The following HNF4G variants were observed in gnomAD, a reference collection of about 807,000 sequenced individuals.
The protein encoded by HNF4G is hepatocyte nuclear factor 4-gamma.
In HNF4G, 21 loss-of-function variants were observed where a neutral mutation model predicts 50.9. The ratio of observed to expected loss-of-function variants is 0.41; its 90% CI spans 0.29 to 0.59. HNF4G has a LOEUF of 0.59. Among genes scored for constraint, HNF4G ranks in the 20% least tolerant of loss-of-function variants. HNF4G has a pLI of 0.26. For synonymous variants in HNF4G, 198 were observed against 185.6 expected (o/e 1.07, Z -0.54); for missense variants, 527 against 559.4 (o/e 0.94, Z 0.58).
chr8:75,487,397 T>A (rs532395567), intron 1 of HNF4G, among the ~76,000 whole-genome samples: 1 of 152,314 alleles, frequency 6.6e-6, no homozygotes, highest in African/African-American at 2.4e-5. Flanking sequence ...ACTGATCTGC[T>A]CAACAAATCT....
At chr8:75,513,087 G>T (rs1021324183) in intron 2 of HNF4G, among the ~76,000 whole-genome samples, 2 of 152,130 alleles carry the variant, frequency 1.3e-5, no homozygotes, top group Non-Finnish European at 2.9e-5. Flanking sequence ...CCACAGGCTG[G>T]AATGCAATGG....
At chr8:75,482,391 A>T (rs1052123572) in intron 1 of HNF4G, among the ~76,000 whole-genome samples, 2 of 151,852 alleles carry the variant, frequency 1.3e-5, no homozygotes, top group Admixed American at 1.3e-4. Context: ...TTTTAGAAGG[A>T]GTCTCTCTCT....
At chr8:75,407,912 C>G (rs1310305422), upstream of HNF4G, 2 of 152,058 alleles carry the variant, frequency 1.3e-5, no homozygotes. Flanking sequence ...GGAGATGCGG[C>G]GGCGGCCGCG....
intron 1 of HNF4G, among the ~76,000 whole-genome samples, chr8:75,489,831 ATAT>A (rs1449077857): frequency 1.1e-4 from 16 of 152,302 alleles, no homozygotes; most frequent in Non-Finnish European, 2.1e-4. Flanking sequence ...TGGTAGCCAG[ATAT>A]TATGTCTATC....
In HNF4G at chr8:75,558,820, TC is replaced by T; in HGVS notation, c.908del (p.Pro303GlnfsTer2). On this transcript the variant is annotated frameshift_variant, in exon 8 of 10. Transcript: ENST00000396423. LOFTEE classifies it high-confidence loss of function. ...FDPDAKGLSDPVKIKNMRFQV... is the reference protein window; with the variant it reads ...FDPDAKGLSDXVKIKNMRFQV... ...TGTTAGATGCAAAAGGGCTAAGCGA[TC>T]CAGTAAAAATTAAGAACATGAGGTT... The T allele has an allele frequency of 6.2e-7, 1 of 1,613,970 alleles. No homozygotes were observed. Among genetic ancestry groups the T allele is most frequent in the Non-Finnish European group, 8.5e-7 (1 of 1,179,912 alleles).
intron 2 of HNF4G, among the ~76,000 whole-genome samples, chr8:75,527,512 G>A (rs950535515): frequency 4.6e-5 from 7 of 152,086 alleles, no homozygotes; most frequent in South Asian, 2.1e-4. Flanking sequence ...AATGAGAATC[G>A]GTATACAAAC....
At chr8:75,435,009 C>T (rs1392961257) in intron 1 of HNF4G, among the ~76,000 whole-genome samples, 1 of 152,080 alleles carries the variant, frequency 6.6e-6, no homozygotes, top group Non-Finnish European at 1.5e-5. Context: ...TAATTTCAGT[C>T]TTACTTTAAC....
rs1037484356 is a variant in HNF4G, at chr8:75,551,560, T to C, written c.489+66T>C. ...TCAAATGTCCATGTAGGCATCATGC[T>C]AAAATAATCTAAGTTTTTTCAAAGG... On this transcript the variant is annotated intron_variant, in intron 4 of 9. Coordinates refer to ENST00000396423, the MANE Select transcript of HNF4G (RefSeq NM_004133.5). 2.6e-5 allele frequency: 23 copies of C among 899,638 alleles called. No homozygotes were observed. The African/African-American group carries it at 3.1e-4, about 12-fold the overall frequency. 55.7% of individuals were successfully genotyped at this position (899,638 alleles called of 1,614,324 possible).
intron 6 of HNF4G, 111 bp from the exon 7 acceptor site, chr8:75,558,407 T>C (rs1807193548): frequency 2.1e-6 from 2 of 953,550 alleles, no homozygotes; most frequent in East Asian, 2.6e-5. Context: ...TCACTATTCC[T>C]TCAAGGGTAG....
At chr8:75,438,468 C>T (rs182008738) in intron 1 of HNF4G, among the ~76,000 whole-genome samples, 68 of 152,238 alleles carry the variant, frequency 4.5e-4, no homozygotes, top group African/African-American at 1.6e-3. Flanking sequence ...TCCAGACTGA[C>T]GGAATACAGA....
intron 1 of HNF4G, among the ~76,000 whole-genome samples, chr8:75,480,732 T>TTC (rs1215663333): frequency 6.6e-6 from 1 of 150,478 alleles, no homozygotes; most frequent in African/African-American, 2.4e-5. Flanking sequence ...TTTTTTTTTT[T>TTC]TTTTGAGACA....
intron 1 of HNF4G, among the ~76,000 whole-genome samples, chr8:75,436,465 C>A (rs1157373747): frequency 6.6e-6 from 1 of 152,132 alleles, no homozygotes; most frequent in African/African-American, 2.4e-5. Flanking sequence ...ATGCTCGGCC[C>A]ATAAACAACC....
intron 1 of HNF4G, among the ~76,000 whole-genome samples, chr8:75,434,169 A>T (rs914944105): frequency 1.3e-5 from 2 of 151,710 alleles, no homozygotes; most frequent in African/African-American, 4.8e-5. Context: ...CCACCCGGCT[A>T]ATTTTTGTAT....
chr8:75,517,492 G>A (rs571508279), intron 2 of HNF4G, among the ~76,000 whole-genome samples: 1 of 152,120 alleles, frequency 6.6e-6, no homozygotes, highest in East Asian at 1.9e-4. Context: ...AAATACACCT[G>A]TTCCAAATGG....
chr8:75,460,327 A>G (rs1811814016), intron 1 of HNF4G, among the ~76,000 whole-genome samples: 1 of 152,182 alleles, frequency 6.6e-6, no homozygotes, highest in South Asian at 2.1e-4. Context: ...AATTCAGTTT[A>G]CATTTAATCT....
intron 1 of HNF4G, among the ~76,000 whole-genome samples, chr8:75,420,771 A>T (rs191354587): frequency 6.6e-6 from 1 of 152,328 alleles, no homozygotes; most frequent in East Asian, 1.9e-4. Context: ...GGTTGAGTGG[A>T]TATTGTCACA....
chr8:75,540,738 C>T (rs1416387232), intron 1 of HNF4G, among the ~76,000 whole-genome samples: 32 of 151,844 alleles, frequency 2.1e-4, no homozygotes, highest in Non-Finnish European at 1.5e-5. Context: ...ATACAGCTTA[C>T]TATTGACTTT....
At chr8:75,557,724 A>G (rs1807174925) in intron 6 of HNF4G, among the ~76,000 whole-genome samples, 1 of 152,236 alleles carries the variant, frequency 6.6e-6, no homozygotes, top group Non-Finnish European at 1.5e-5. Flanking sequence ...TGAGGCTACC[A>G]TTGAACATGC....
intron 1 of HNF4G, among the ~76,000 whole-genome samples, chr8:75,487,013 AT>A (rs1812514269): frequency 1.3e-5 from 2 of 150,268 alleles, no homozygotes; most frequent in South Asian, 4.2e-4. Flanking sequence ...CTAAAAAAAA[AT>A]GATAAGAAAA....
Sources: allele counts gnomAD v4.1 joint callset (sites outside exome capture counted in the v4.1 genomes callset), GRCh38; gene constraint gnomAD v4.1.1; transcripts MANE v1.5; gene names NCBI Gene and HGNC (gene_info 2026-07-23, HGNC 2026-07-21).